NR3C2: variants seen among roughly 807,000 people sequenced by gnomAD.
NR3C2 encodes the protein mineralocorticoid receptor.
In NR3C2, 15 loss-of-function variants were observed where a neutral mutation model predicts 86.4. The observed-to-expected ratio is 0.17, with a 90% CI of 0.12 to 0.27. The LOEUF (loss-of-function observed/expected upper bound fraction) is 0.27, where lower values mean the gene tolerates loss of function less well. Among genes scored for constraint, NR3C2 ranks in the 10% least tolerant of loss-of-function variants. NR3C2 has a pLI of 1.00. For missense variants in NR3C2, 960 were observed against 1,195.6 expected (o/e 0.80, Z 2.91); for synonymous variants, 458 against 450.5 (o/e 1.02, Z -0.21).
chr4:148,134,641 C>T (rs62332223), intron 6 of NR3C2, among the ~76,000 whole-genome samples: 1,791 of 60,940 alleles, frequency 0.029, 127 homozygotes, highest in African/African-American at 0.097. Context: ...CTCTCTCTCT[C>T]TCTTTTTTTT....
chr4:148,108,538 G>A (rs1449855914), intron 8 of NR3C2, among the ~76,000 whole-genome samples: 1 of 152,156 alleles, frequency 6.6e-6, no homozygotes. Flanking sequence ...GGAAGCCATG[G>A]CTCCCAGAGC....
chr4:148,378,602 C>T (rs1451802076), intron 2 of NR3C2, among the ~76,000 whole-genome samples: 1 of 152,066 alleles, frequency 6.6e-6, no homozygotes, highest in Non-Finnish European at 1.5e-5. Context: ...GTGTGTGGAA[C>T]CTCCCCTGTC....
At chr4:148,144,507 A>G (rs1011230278) in intron 6 of NR3C2, among the ~76,000 whole-genome samples, 6 of 152,074 alleles carry the variant, frequency 3.9e-5, no homozygotes, top group East Asian at 1.9e-4. Flanking sequence ...GCGACTTTCT[A>G]CTCCAACTCT....
intron 2 of NR3C2, among the ~76,000 whole-genome samples, chr4:148,328,694 T>C (rs1434432036): frequency 6.6e-6 from 1 of 152,216 alleles, no homozygotes; most frequent in Non-Finnish European, 1.5e-5. Flanking sequence ...AGGTCATCAT[T>C]AATACAGAAC....
intron 2 of NR3C2, among the ~76,000 whole-genome samples, chr4:148,264,306 G>C (rs983270186): frequency 4.6e-5 from 7 of 152,138 alleles, no homozygotes; most frequent in Non-Finnish European, 1.5e-5. Flanking sequence ...GATGGCACAT[G>C]GTTGGAAAAT....
At chr4:148,350,866 CTTCT>C (rs1385890755) in intron 2 of NR3C2, among the ~76,000 whole-genome samples, 15 of 152,174 alleles carry the variant, frequency 9.9e-5, no homozygotes, top group Admixed American at 7.2e-4. Flanking sequence ...ATAAAATATC[CTTCT>C]ATTATTCTTT....
chr4:148,349,835 C>T (rs1227101889), intron 2 of NR3C2, among the ~76,000 whole-genome samples: 2 of 152,004 alleles, frequency 1.3e-5, no homozygotes, highest in Admixed American at 6.6e-5. Flanking sequence ...GGTTTATGGT[C>T]TATATTGTTG....
At chr4:148,186,859 C>T (rs182706399) in intron 4 of NR3C2, among the ~76,000 whole-genome samples, 11 of 151,054 alleles carry the variant, frequency 7.3e-5, no homozygotes, top group African/African-American at 2.2e-4. Flanking sequence ...TGACAACATA[C>T]GATGTTTGGT....
intron 2 of NR3C2, among the ~76,000 whole-genome samples, chr4:148,262,464 C>G (rs1214144102): frequency 6.6e-6 from 1 of 152,096 alleles, no homozygotes; most frequent in African/African-American, 2.4e-5. Flanking sequence ...GTGTCTAACA[C>G]GCACCTCAAC....
intron 8 of NR3C2, among the ~76,000 whole-genome samples, chr4:148,109,348 T>A (rs1044256910): frequency 2.0e-5 from 3 of 152,224 alleles, no homozygotes; most frequent in African/African-American, 7.2e-5. Flanking sequence ...CTCCCTCCTA[T>A]GACACTGCCT....
intron 8 of NR3C2, among the ~76,000 whole-genome samples, chr4:148,103,367 G>A (rs972730649): frequency 2.0e-5 from 3 of 152,136 alleles, no homozygotes; most frequent in Non-Finnish European, 2.9e-5. Context: ...TGTATCCATA[G>A]TGCCTGTGCT....
At chr4:148,385,562 C>T (rs1409970804) in intron 2 of NR3C2, among the ~76,000 whole-genome samples, 1 of 152,096 alleles carries the variant, frequency 6.6e-6, no homozygotes, top group African/African-American at 2.4e-5. Flanking sequence ...TTTTGTCCAC[C>T]ATTTTCAACT....
At chr4:148,147,765 G>A (rs1733935011) in intron 6 of NR3C2, among the ~76,000 whole-genome samples, 1 of 152,188 alleles carries the variant, frequency 6.6e-6, no homozygotes. Flanking sequence ...GTGGTGGAAG[G>A]TAGGAAAGCA....
chr4:148,335,971 G>T (rs542054593), intron 2 of NR3C2, among the ~76,000 whole-genome samples: 2 of 152,280 alleles, frequency 1.3e-5, no homozygotes, highest in South Asian at 4.1e-4. Context: ...ATGCAACTGA[G>T]ATTGAATAAC....
Position 148,081,003 on chromosome 4 carries a change from G to A in NR3C2, c.*341C>T, listed in dbSNP as rs375531881. Reference sequence around the variant, plus strand: ...TTGAACCCTTTTAAAACAAGCGAACGATACCAGAAACTACACGGCATAGTT... The same window carrying A: ...TTGAACCCTTTTAAAACAAGCGAACAATACCAGAAACTACACGGCATAGTT... On this transcript the variant is annotated 3_prime_UTR_variant, in exon 9 of 9. Coordinates refer to ENST00000358102, the MANE Select transcript of NR3C2 (RefSeq NM_000901.5). 1.6e-5 allele frequency: 6 copies of A among 363,856 alleles called. No homozygotes were observed. Among genetic ancestry groups the A allele is most frequent in the African/African-American group, 1.0e-4 (5 of 47,740 alleles). 22.5% of individuals were successfully genotyped at this position (363,856 alleles called of 1,614,324 possible). A position where few individuals can be genotyped will look rare whatever the true frequency, so the allele number is the denominator to read the frequency against.
chr4:148,321,073 T>C (rs1388561670), intron 2 of NR3C2, among the ~76,000 whole-genome samples: 3 of 151,322 alleles, frequency 2.0e-5, no homozygotes, highest in African/African-American at 4.8e-5. Flanking sequence ...TTCTGGTATG[T>C]TGTGTCTTTG....
At position 148,435,271 on chromosome 4, in the gene NR3C2, T is replaced by C; in HGVS notation, c.1590A>G (p.Gln530=). The C allele has an allele frequency of 1.2e-6, 2 of 1,614,186 alleles. No homozygotes were observed. Among genetic ancestry groups the C allele is most frequent in the African/African-American group, 1.3e-5 (1 of 75,050 alleles). The change falls in exon 2 of 9, where the codon CAA becomes CAG. Residue 530 remains glutamine (Q), a synonymous_variant. Transcript: ENST00000358102. ...CCGATCGTGATAAAGATATTGTACC[T>C]TGAGCACCAATCCTGTAGTGGAAGG... is the stretch of plus-strand genomic sequence containing the variant. ...GQSFHYRIGA[Q]GTISLSRSAR... is the part of the protein sequence containing the mutation.
At chr4:148,324,104 A>AT (rs371860879) in intron 2 of NR3C2, among the ~76,000 whole-genome samples, 266 of 152,232 alleles carry the variant, frequency 1.7e-3, no homozygotes, top group African/African-American at 5.8e-3. Context: ...ATCTTCCTAT[A>AT]TGCTCCATGA....
chr4:148,098,162 G>A (rs1156930084), intron 8 of NR3C2, among the ~76,000 whole-genome samples: 2 of 152,136 alleles, frequency 1.3e-5, no homozygotes, highest in African/African-American at 4.8e-5. Flanking sequence ...GACTTGCTGT[G>A]TGCATCAGGC....
Sources: allele counts gnomAD v4.1 joint callset (sites outside exome capture counted in the v4.1 genomes callset), GRCh38; gene constraint gnomAD v4.1.1; transcripts MANE v1.5; gene names NCBI Gene and HGNC (gene_info 2026-07-23, HGNC 2026-07-21).